The following FER variants were observed in gnomAD, a reference collection of about 807,000 sequenced individuals.
The protein encoded by FER is FER tyrosine kinase.
Under a neutral mutation model 111.0 loss-of-function variants are expected in FER, and 63 were observed. That is an observed-to-expected ratio of 0.57 (90% CI 0.46 to 0.70). The LOEUF (loss-of-function observed/expected upper bound fraction) is 0.70, where lower values mean the gene tolerates loss of function less well. Among genes scored for constraint, FER ranks in the 30% least tolerant of loss-of-function variants. The pLI is 0.00. For missense variants in FER, 914 were observed against 954.0 expected (o/e 0.96, Z 0.55); for synonymous variants, 327 against 313.9 (o/e 1.04, Z -0.44).
At chr5:109,118,453 T>G (rs1368464316) in intron 17 of FER, among the ~76,000 whole-genome samples, 1 of 152,178 alleles carries the variant, frequency 6.6e-6, no homozygotes, top group East Asian at 1.9e-4. Context: ...TCATGGATAT[T>G]GGTCTAAAAT....
At chr5:109,125,078 A>T (rs566051018) in intron 17 of FER, among the ~76,000 whole-genome samples, 21 of 151,538 alleles carry the variant, frequency 1.4e-4, no homozygotes, top group Non-Finnish European at 2.9e-4. Context: ...GAAAGATAGA[A>T]GTTGACTGCT....
At chr5:108,757,870 A>G (rs571143659) in intron 1 of FER, among the ~76,000 whole-genome samples, 1 of 152,326 alleles carries the variant, frequency 6.6e-6, no homozygotes, top group African/African-American at 2.4e-5. Context: ...TATAGGAGCT[A>G]GACCTTACCT....
Position 108,897,711 on chromosome 5 carries a change from G to T in FER, c.1099G>T (p.Val367Phe), listed in dbSNP as rs868414877. Reference protein sequence around the residue: ...KQALEELKQSVQQLRCTEAKF... With the variant: ...KQALEELKQSFQQLRCTEAKF... Reference sequence around the variant, plus strand: ...GGCACTTGAAGAACTGAAACAGTCAGTCCAGCAGCTGAGATGCACTGAAGC... The same window carrying T: ...GGCACTTGAAGAACTGAAACAGTCATTCCAGCAGCTGAGATGCACTGAAGC... The change falls in exon 10 of 20, where the codon GTC becomes TTC. Residue 367 changes from valine to phenylalanine, a missense_variant. Coordinates refer to ENST00000281092, the MANE Select transcript of FER (RefSeq NM_005246.4). 3.1e-6 allele frequency: 5 copies of T among 1,613,002 alleles called. No individual in the cohort carries two copies. The Middle Eastern group carries it at 6.6e-4, about 213-fold the overall frequency.
chr5:109,087,587 G>GT (rs1379688013), intron 16 of FER, among the ~76,000 whole-genome samples: 2 of 149,634 alleles, frequency 1.3e-5, no homozygotes, highest in Non-Finnish European at 3.0e-5. Context: ...GCTTGTGTGT[G>GT]TTTTTTTAAT....
At chr5:108,959,414 C>T (rs1758864896) in intron 13 of FER, 67 bp downstream of exon 13, 8 of 1,483,804 alleles carry the variant, frequency 5.4e-6, no homozygotes, top group Non-Finnish European at 6.3e-6. Flanking sequence ...ACATTTCCAA[C>T]AGTAAATAAA....
intron 10 of FER, among the ~76,000 whole-genome samples, chr5:108,906,192 T>G (rs1750736122): frequency 6.6e-6 from 1 of 152,228 alleles, no homozygotes; most frequent in Admixed American, 6.5e-5. Context: ...AGAACAGTGC[T>G]TGTCACTTAG....
chr5:109,093,564 ACAT>A (rs1183395840), intron 16 of FER, among the ~76,000 whole-genome samples: 1 of 152,146 alleles, frequency 6.6e-6, no homozygotes, highest in African/African-American at 2.4e-5. Flanking sequence ...AGATTGTATG[ACAT>A]CCACTGATAT....
At chr5:109,085,599 A>G (rs1777476942) in intron 16 of FER, among the ~76,000 whole-genome samples, 2 of 151,616 alleles carry the variant, frequency 1.3e-5, no homozygotes, top group South Asian at 2.1e-4. Flanking sequence ...AATGGTAAGT[A>G]GTAAGTGCAG....
At chr5:109,149,292 A>G (rs1187951776) in intron 17 of FER, among the ~76,000 whole-genome samples, 2 of 152,140 alleles carry the variant, frequency 1.3e-5, no homozygotes, top group Admixed American at 1.3e-4. Context: ...GACTAAGAGT[A>G]GTTCACTTGT....
At chr5:109,010,666 C>T (rs1452415286) in intron 13 of FER, among the ~76,000 whole-genome samples, 1 of 152,104 alleles carries the variant, frequency 6.6e-6, no homozygotes, top group Non-Finnish European at 1.5e-5. Context: ...ATCCCCGGTC[C>T]ATGGCATTAT....
At chr5:108,763,082 T>C (rs1241125994) in intron 1 of FER, among the ~76,000 whole-genome samples, 2 of 152,188 alleles carry the variant, frequency 1.3e-5, no homozygotes, top group Non-Finnish European at 2.9e-5. Context: ...TTTTACCTGT[T>C]GTATAGGAAA....
chr5:109,162,553 A>C (rs1756104873), intron 17 of FER, among the ~76,000 whole-genome samples: 1 of 152,082 alleles, frequency 6.6e-6, no homozygotes, highest in African/African-American at 2.4e-5. Flanking sequence ...TATGGAAATG[A>C]CTGAACAAAA....
Position 108,992,921 on chromosome 5 carries a change from T to A in FER, c.1656+33574T>A, listed in dbSNP as rs1259568834. Among the ~76,000 whole-genome samples, 3 of 145,792 alleles carry A rather than the reference T, an allele frequency of 2.1e-5. No homozygotes were observed. The South Asian group carries it at 6.6e-4, about 32-fold the overall frequency. On this transcript the variant is annotated intron_variant, in intron 13 of 19. Coordinates refer to ENST00000281092, the MANE Select transcript of FER (RefSeq NM_005246.4). ...AGACGGGGCGGCGGGGCAGAGACGC[T>A]TCCCACATCTCCGACGATGGGCGGC...
chr5:108,819,469 G>T (rs527772083), intron 3 of FER, among the ~76,000 whole-genome samples: 1 of 152,286 alleles, frequency 6.6e-6, no homozygotes, highest in African/African-American at 2.4e-5. Context: ...TTATTTAGGT[G>T]TGTGACTTTA....
At chr5:108,905,522 A>G (rs1403480309) in intron 10 of FER, among the ~76,000 whole-genome samples, 1 of 152,176 alleles carries the variant, frequency 6.6e-6, no homozygotes, top group Non-Finnish European at 1.5e-5. Flanking sequence ...AGATTTATTT[A>G]TTCAGTCACT....
intron 10 of FER, among the ~76,000 whole-genome samples, chr5:108,944,656 T>C (rs1756731572): frequency 6.6e-6 from 1 of 152,096 alleles, no homozygotes; most frequent in African/African-American, 2.4e-5. Flanking sequence ...AGATGTTACA[T>C]AGACAGGAAC....
At chr5:109,152,674 G>A (rs894967740) in intron 17 of FER, among the ~76,000 whole-genome samples, 3 of 151,838 alleles carry the variant, frequency 2.0e-5, no homozygotes, top group African/African-American at 7.2e-5. Flanking sequence ...TAACTTCACG[G>A]TGAAATTATG....
chr5:108,951,750 T>G (rs3797818), intron 11 of FER, among the ~76,000 whole-genome samples: 21,283 of 152,058 alleles, frequency 0.14, 1,907 homozygotes, highest in African/African-American at 0.25. Context: ...TGGTTTATTG[T>G]GTAATTAATT....
intron 13 of FER, among the ~76,000 whole-genome samples, chr5:108,980,768 A>C (rs544864794): frequency 6.6e-6 from 1 of 152,278 alleles, no homozygotes; most frequent in South Asian, 2.1e-4. Context: ...GTCATAGTCC[A>C]TGAGTGATTG....
Sources: allele counts gnomAD v4.1 joint callset (sites outside exome capture counted in the v4.1 genomes callset), GRCh38; gene constraint gnomAD v4.1.1; transcripts MANE v1.5; gene names NCBI Gene and HGNC (gene_info 2026-07-23, HGNC 2026-07-21).